NR3C2: variants seen among roughly 807,000 people sequenced by gnomAD.
The protein encoded by NR3C2 is nuclear receptor subfamily 3 group C member 2, also known as mineralocorticoid receptor.
Under a neutral mutation model 86.4 loss-of-function variants are expected in NR3C2, and 15 were observed. The observed-to-expected ratio is 0.17, with a 90% CI of 0.12 to 0.27. The LOEUF is 0.27. Among genes scored for constraint, NR3C2 ranks in the 10% least tolerant of loss-of-function variants. The pLI is 1.00. For missense variants in NR3C2, 960 were observed against 1,195.6 expected, an observed-to-expected ratio of 0.80 and a Z score of 2.91; for synonymous variants, 458 against 450.5, an observed-to-expected ratio of 1.02 and a Z score of -0.21.
chr4:148,211,980 C>G (rs1737307323), intron 3 of NR3C2, among the ~76,000 whole-genome samples: 1 of 152,144 alleles, frequency 6.6e-6, no homozygotes, highest in African/African-American at 2.4e-5. Flanking sequence ...AATTTCACAT[C>G]CTCACTACCA....
At chr4:148,090,503 AG>A (rs995495477) in intron 8 of NR3C2, among the ~76,000 whole-genome samples, 4 of 152,254 alleles carry the variant, frequency 2.6e-5, no homozygotes, top group African/African-American at 9.6e-5. Context: ...TACTAAGAAA[AG>A]GAACAAGTAA....
intron 3 of NR3C2, among the ~76,000 whole-genome samples, chr4:148,207,333 C>G (rs1737056315): frequency 6.6e-6 from 1 of 152,156 alleles, no homozygotes; most frequent in East Asian, 1.9e-4. Flanking sequence ...CTGACAAAAG[C>G]CCATGCTCAC....
At chr4:148,089,275 T>C (rs1170880037) in intron 8 of NR3C2, among the ~76,000 whole-genome samples, 1 of 152,238 alleles carries the variant, frequency 6.6e-6, no homozygotes, top group East Asian at 1.9e-4. Context: ...CTGTGGGGTT[T>C]AATGTGCTCT....
intron 8 of NR3C2, among the ~76,000 whole-genome samples, chr4:148,089,689 A>T (rs1367989193): frequency 6.6e-6 from 1 of 152,164 alleles, no homozygotes; most frequent in African/African-American, 2.4e-5. Flanking sequence ...TTTAAGAAAC[A>T]TGCCATCCCA....
At chr4:148,341,002 G>A (rs949610657) in intron 2 of NR3C2, among the ~76,000 whole-genome samples, 4 of 152,040 alleles carry the variant, frequency 2.6e-5, no homozygotes, top group Non-Finnish European at 4.4e-5. Context: ...AGAGAAACGG[G>A]AACACTTGTA....
rs868004391 is a variant in NR3C2, at chr4:148,323,742, A to G, written c.1758-63625T>C. 9.3e-4 allele frequency among the ~76,000 whole-genome samples: 142 copies of G among 152,136 alleles called. 1 individual carries two copies. The highest frequency in any genetic ancestry group is 1.7e-3 in the Non-Finnish European group (115 of 68,004). On this transcript the variant is annotated intron_variant, in intron 2 of 8. Coordinates refer to ENST00000358102, the MANE Select transcript of NR3C2 (RefSeq NM_000901.5). ...AATGCCTCGCCCTGCTTCGGCTCGCACACGGTGCGCGCACCCACTGACCTG... is the reference window on the plus strand; with the variant it reads ...AATGCCTCGCCCTGCTTCGGCTCGCGCACGGTGCGCGCACCCACTGACCTG...
chr4:148,345,531 T>A (rs1038931022), intron 2 of NR3C2, among the ~76,000 whole-genome samples: 41 of 151,988 alleles, frequency 2.7e-4, no homozygotes, highest in African/African-American at 8.7e-4. Flanking sequence ...AGGGGGGTAA[T>A]CCTTTAAAGT....
rs181282602 is a variant in NR3C2 at position 148,079,892 on chromosome 4, G to A, written c.*1452C>T. ...CCATGATCTGTGCGTTCCTGTGACC[G>A]GTTCCAGGAGTGCAGAACCTCTTTC... is the stretch of plus-strand genomic sequence containing the variant. On this transcript the variant is annotated 3_prime_UTR_variant, in exon 9 of 9. Transcript: ENST00000358102. 1.4e-3 allele frequency: 212 copies of A among 152,518 alleles called. No homozygotes were observed. Among genetic ancestry groups the A allele is most frequent in the Non-Finnish European group, 1.5e-3 (104 of 68,030 alleles). The allele number at this position is 152,518 out of a possible 1,614,324, so 9.4% of individuals were successfully genotyped here. A position where few individuals can be genotyped will look rare whatever the true frequency, so the allele number is the denominator to read the frequency against.
chr4:148,085,975 G>T (rs113010789), intron 8 of NR3C2, among the ~76,000 whole-genome samples: 4,204 of 152,164 alleles, frequency 0.028, 192 homozygotes, highest in African/African-American at 0.094. Flanking sequence ...TCTGAAATTG[G>T]GCAGTAATTA....
rs191755740 is a variant in NR3C2 at position 148,199,839 on chromosome 4, A to G, written c.1898-4977T>C. Among the ~76,000 whole-genome samples, 12 of 152,268 alleles carry G rather than the reference A, an allele frequency of 7.9e-5. No homozygotes were observed. In the East Asian group the frequency reaches 2.1e-3, roughly 27 times the overall value. On this transcript the variant is annotated intron_variant, in intron 3 of 8. Coordinates refer to ENST00000358102, the MANE Select transcript of NR3C2 (RefSeq NM_000901.5). ...GGGGAAATTAAAATGATTAAGATAAATCTCCCTATGTAACAAACCTGTACA... is the reference window on the plus strand; with the variant it reads ...GGGGAAATTAAAATGATTAAGATAAGTCTCCCTATGTAACAAACCTGTACA...
At chr4:148,191,261 A>G (rs906077299) in intron 4 of NR3C2, among the ~76,000 whole-genome samples, 2 of 152,220 alleles carry the variant, frequency 1.3e-5, no homozygotes, top group Admixed American at 6.5e-5. Context: ...CACTGGATAC[A>G]AAATTTTTGG....
chr4:148,131,504 A>C (rs1049449695), intron 6 of NR3C2, among the ~76,000 whole-genome samples: 3 of 152,214 alleles, frequency 2.0e-5, no homozygotes, highest in Non-Finnish European at 2.9e-5. Context: ...GTTTACTGTT[A>C]ATTTTTTTCA....
intron 4 of NR3C2, among the ~76,000 whole-genome samples, chr4:148,167,819 C>T (rs1734947066): frequency 6.6e-6 from 1 of 152,190 alleles, no homozygotes. Context: ...CACCCCAAAC[C>T]CCAATGAACT....
intron 6 of NR3C2, among the ~76,000 whole-genome samples, chr4:148,126,884 C>T (rs1398341107): frequency 6.6e-6 from 1 of 152,150 alleles, no homozygotes; most frequent in Non-Finnish European, 1.5e-5. Flanking sequence ...ATTTTAGGTA[C>T]ATGTGAAGCC....
chr4:148,103,804 A>G (rs781649848), intron 8 of NR3C2, among the ~76,000 whole-genome samples: 4 of 152,100 alleles, frequency 2.6e-5, no homozygotes, highest in East Asian at 3.9e-4. Flanking sequence ...GCGGAGTTAC[A>G]TATTCCAGTC....
intron 2 of NR3C2, among the ~76,000 whole-genome samples, chr4:148,433,457 A>G (rs1749891856): frequency 6.6e-6 from 1 of 152,184 alleles, no homozygotes. Context: ...AATTTCATAC[A>G]ATGAAGAAAA....
At chr4:148,312,228 G>C (rs1408759085) in intron 2 of NR3C2, among the ~76,000 whole-genome samples, 1 of 152,038 alleles carries the variant, frequency 6.6e-6, no homozygotes, top group African/African-American at 2.4e-5. Flanking sequence ...TTATATAAAA[G>C]ACAAAGGTAA....
intron 2 of NR3C2, among the ~76,000 whole-genome samples, chr4:148,297,557 C>T (rs544179652): frequency 2.6e-4 from 39 of 152,270 alleles, no homozygotes; most frequent in African/African-American, 9.1e-4. Context: ...GTCAGGAGTT[C>T]GAGACCAGCC....
intron 2 of NR3C2, among the ~76,000 whole-genome samples, chr4:148,377,191 A>T (rs947402360): frequency 6.6e-6 from 1 of 152,234 alleles, no homozygotes; most frequent in Non-Finnish European, 1.5e-5. Context: ...GAGAAAAAAT[A>T]AACGAGGAAT....
Sources: allele counts gnomAD v4.1 joint callset (sites outside exome capture counted in the v4.1 genomes callset), GRCh38; gene constraint gnomAD v4.1.1; transcripts MANE v1.5; gene names NCBI Gene and HGNC (gene_info 2026-07-23, HGNC 2026-07-21).